The following CNOT4 variants were observed in gnomAD, a reference collection of about 807,000 sequenced individuals.
CNOT4 encodes the protein CCR4-associated factor 4.
In CNOT4, 8 loss-of-function variants were observed where a neutral mutation model predicts 73.8. That is an observed-to-expected ratio of 0.11 (90% CI 0.06 to 0.20). The LOEUF is 0.20. Ranked by LOEUF, CNOT4 falls within the 10% of genes least tolerant of loss-of-function variation. The pLI is 1.00. For synonymous variants in CNOT4, 293 were observed against 321.1 expected (o/e 0.91, Z 0.94); for missense variants, 564 against 883.4 (o/e 0.64, Z 4.58).
chr7:135,394,376 G>A lies in CNOT4; in HGVS notation c.1169C>T (p.Ala390Val). Residue 390 changes from alanine to valine, a missense_variant, in exon 10 of 12, where the codon GCT (alanine) becomes GTT (valine). This residue lies in a region of CNOT4 where 14 missense variants were observed against 60.4 expected (regional missense o/e 0.23). Transcript: ENST00000541284. ...TTGTTTAGAAGAACCAAAGCCAAAA[G>A]CTGCTTGCCAGTCTGTAGAGGATGA... Reference protein sequence around the residue: ...PVSSSTDWQAAFGFGSSKQPE... With the variant: ...PVSSSTDWQAVFGFGSSKQPE... The A allele has an allele frequency of 3.1e-6, 5 of 1,613,730 alleles. No homozygotes were observed. The highest frequency in any genetic ancestry group is 4.2e-6 in the Non-Finnish European group (5 of 1,179,678).
At chr7:135,365,644 C>T (rs1040423680) in intron 10 of CNOT4, among the ~76,000 whole-genome samples, 6 of 152,118 alleles carry the variant, frequency 3.9e-5, no homozygotes, top group Admixed American at 6.5e-5. Context: ...CTACTCTGTA[C>T]AGACTATTAA....
chr7:135,449,551 G>A (rs80224307), intron 1 of CNOT4, among the ~76,000 whole-genome samples: 3,400 of 152,118 alleles, frequency 0.022, 122 homozygotes, highest in African/African-American at 0.07. Context: ...GAACCATAAA[G>A]GAAGCCATAA....
intron 7 of CNOT4, among the ~76,000 whole-genome samples, chr7:135,403,227 C>T (rs1176378674): frequency 6.6e-6 from 1 of 152,116 alleles, no homozygotes; most frequent in Admixed American, 6.5e-5. Flanking sequence ...TAAATACTCC[C>T]ACATATATTC....
intron 10 of CNOT4, among the ~76,000 whole-genome samples, chr7:135,383,541 C>G (rs144640811): frequency 1.3e-5 from 2 of 152,330 alleles, no homozygotes; most frequent in East Asian, 3.9e-4. Context: ...AGGTGCCCAT[C>G]TGCGGATGCA....
At position 135,363,097 on chromosome 7, in the gene CNOT4, T is replaced by C. The variant is rs761712590; in HGVS notation, c.1930A>G (p.Met644Val). 4 of 1,614,012 alleles carry C rather than the reference T, an allele frequency of 2.5e-6. No homozygotes were observed. In the South Asian group the frequency reaches 3.3e-5, roughly 13 times the overall value. ...WLKSLQALTE[M>V]DGPSAAPSQT... ...GATGGAGCAGCGCTGGGGCCGTCCA[T>C]CTCTGTGAGGGCCTGAAGGGATTTT... Residue 644 changes from methionine (M) to valine (V), a missense_variant, in exon 12 of 12, where the codon ATG (methionine) becomes GTG (valine). This residue lies in a region of CNOT4 where 88 missense variants were observed against 94.7 expected (regional missense o/e 0.93). Transcript: ENST00000541284. This position sits in a 1 kb window ranked among gnomAD's most constrained non-coding sequence, Gnocchi z 4.3.
intron 6 of CNOT4, 60 bp downstream of exon 6, chr7:135,413,428 C>G (rs1474841350): frequency 2.5e-6 from 4 of 1,575,746 alleles, no homozygotes; most frequent in African/African-American, 1.4e-5. Flanking sequence ...GCAATGTTAA[C>G]TAATAAAAAA....
chr7:135,401,088 A>G (rs568932128), intron 7 of CNOT4, among the ~76,000 whole-genome samples: 3 of 152,316 alleles, frequency 2.0e-5, no homozygotes, highest in African/African-American at 7.2e-5. Context: ...ATTCCAATAA[A>G]TGTGAACTCC....
chr7:135,441,883 C>A (rs996816543), intron 1 of CNOT4, among the ~76,000 whole-genome samples: 1 of 152,050 alleles, frequency 6.6e-6, no homozygotes, highest in Non-Finnish European at 1.5e-5. Context: ...GAAAGAAATC[C>A]TTTAGATAGT....
At chr7:135,371,439 G>A (rs984408584) in intron 10 of CNOT4, among the ~76,000 whole-genome samples, 5 of 152,068 alleles carry the variant, frequency 3.3e-5, no homozygotes, top group Non-Finnish European at 5.9e-5. Context: ...TAGGATAAAC[G>A]GCAAATAAGA....
chr7:135,415,507 A>G (rs562721312), intron 3 of CNOT4, among the ~76,000 whole-genome samples: 212 of 152,194 alleles, frequency 1.4e-3, no homozygotes, highest in Non-Finnish European at 1.9e-3. Flanking sequence ...ATTTGGTATT[A>G]TCTACTATGT....
At chr7:135,453,979 A>AT (rs1800362625) in intron 1 of CNOT4, among the ~76,000 whole-genome samples, 3 of 136,716 alleles carry the variant, frequency 2.2e-5, no homozygotes, top group Non-Finnish European at 4.7e-5. Context: ...CTCTATAAAA[A>AT]ATATATATAC....
In CNOT4 at chr7:135,363,329, A is replaced by G. The variant is rs1236667018; in HGVS notation, c.1841-143T>C. 1 of 726,482 alleles carries G rather than the reference A, an allele frequency of 1.4e-6. No homozygotes were observed. Among genetic ancestry groups the G allele is most frequent in the African/African-American group, 1.8e-5 (1 of 56,338 alleles). 45.0% of individuals were successfully genotyped at this position (726,482 alleles called of 1,614,324 possible). ...ACTCCTTCCAAATAAGACCTTTTAAACCAATCCTCCCCCAACAACAAAGAA... is the reference window on the plus strand; with the variant it reads ...ACTCCTTCCAAATAAGACCTTTTAAGCCAATCCTCCCCCAACAACAAAGAA... On this transcript the variant is annotated intron_variant, in intron 11 of 11. Coordinates refer to ENST00000541284, the MANE Select transcript of CNOT4 (RefSeq NM_001190850.2). This position sits in a 1 kb window ranked among gnomAD's most constrained non-coding sequence, Gnocchi z 4.3.
chr7:135,410,417 C>G (rs1797529111), intron 7 of CNOT4, 98 bp downstream of exon 7: 2 of 803,662 alleles, frequency 2.5e-6, no homozygotes, highest in South Asian at 2.6e-5. Flanking sequence ...AATGACAGAC[C>G]TTGTCAACAA....
intron 1 of CNOT4, among the ~76,000 whole-genome samples, chr7:135,443,968 A>G (rs1040284991): frequency 2.6e-5 from 4 of 151,800 alleles, no homozygotes; most frequent in Admixed American, 2.0e-4. Flanking sequence ...GGGCAACATG[A>G]TGAAACCCCA....
rs184354715 is a variant in CNOT4 at position 135,427,400 on chromosome 7, A to T, written c.175-5047T>A. On this transcript the variant is annotated intron_variant, in intron 2 of 11. Coordinates refer to ENST00000541284, the MANE Select transcript of CNOT4 (RefSeq NM_001190850.2). ...TGTCCCAGGGCTTATTCTTTTTCTG[A>T]TTTCTTTTTCTGATCCCTTCCACTG... Among the ~76,000 whole-genome samples the T allele has an allele frequency of 2.4e-3, 367 of 150,954 alleles. 1 individual carries two copies. Among genetic ancestry groups the T allele is most frequent in the African/African-American group, 8.6e-3 (353 of 41,100 alleles).
chr7:135,494,470 CAAAA>C (rs34284664), intron 1 of CNOT4, among the ~76,000 whole-genome samples: 1 of 73,052 alleles, frequency 1.4e-5, no homozygotes, highest in South Asian at 5.8e-4. Flanking sequence ...AATTCCGTCT[CAAAA>C]AAAAAAAAAA....
chr7:135,456,759 C>A (rs182235989), intron 1 of CNOT4, among the ~76,000 whole-genome samples: 1 of 152,112 alleles, frequency 6.6e-6, no homozygotes, highest in South Asian at 2.1e-4. Flanking sequence ...TCCACCCCAT[C>A]CCCGAAAATT....
At chr7:135,504,016 T>C (rs1167897906) in intron 1 of CNOT4, among the ~76,000 whole-genome samples, 1 of 152,206 alleles carries the variant, frequency 6.6e-6, no homozygotes, top group Non-Finnish European at 1.5e-5. Flanking sequence ...AATGTTATTT[T>C]AGAAAATTCA....
chr7:135,481,311 G>A (rs1206082376), intron 1 of CNOT4, among the ~76,000 whole-genome samples: 1 of 151,384 alleles, frequency 6.6e-6, no homozygotes, highest in Non-Finnish European at 1.5e-5. Flanking sequence ...ACATAAAAAT[G>A]GCCAACAAGT....
Sources: gnomAD v4.1 joint callset for allele counts (sites outside exome capture counted in the v4.1 genomes callset) on GRCh38, gnomAD v4.1.1 for gene constraint, gnomAD v4.1.1 regional missense constraint, Gnocchi (gnomAD v3.1) non-coding constraint, MANE v1.5 for transcripts, NCBI Gene and HGNC (gene_info 2026-07-23, HGNC 2026-07-21) for gene names.